RBFOX1: variants seen among roughly 807,000 people sequenced by gnomAD.
RBFOX1 encodes RNA binding protein fox-1 homolog 1.
A neutral mutation model predicts 57.7 loss-of-function variants in RBFOX1; 8 were observed. That is an observed-to-expected ratio of 0.14 (90% CI 0.08 to 0.25). The LOEUF (loss-of-function observed/expected upper bound fraction) is 0.25. Among genes scored for constraint, RBFOX1 ranks in the 10% least tolerant of loss-of-function variants. RBFOX1 has a pLI of 1.00. For synonymous variants in RBFOX1, 326 were observed against 222.4 expected (o/e 1.47, Z -4.15); for missense variants, 611 against 548.5 (o/e 1.11, Z -1.14).
chr16:5,626,096 T>C (rs1418047634), intron 3 of RBFOX1, among the ~76,000 whole-genome samples: 1 of 152,140 alleles, frequency 6.6e-6, no homozygotes, highest in South Asian at 2.1e-4. Flanking sequence ...GTCAGGCTGG[T>C]CTCGAGCTCC....
At position 5,436,383 on chromosome 16, in the gene RBFOX1, G is replaced by A. The variant is rs147606157; in HGVS notation, c.220-30833G>A. The stretch of plus-strand genomic sequence containing the variant: ...AGGGTGAGAAAACCACCATCACTCT[G>A]CATGGCTGAGTGATTTACACTCATA... On this transcript the variant is annotated intron_variant, in intron 1 of 2. Coordinates refer to the RBFOX1 transcript ENST00000585867. 6.1e-3 allele frequency among the ~76,000 whole-genome samples: 922 copies of A among 152,314 alleles called. 12 individuals carry two copies. The highest frequency in any genetic ancestry group is 0.021 in the African/African-American group (854 of 41,568).
At chr16:5,509,305 CAG>C (rs1181083376) in intron 2 of RBFOX1, among the ~76,000 whole-genome samples, 1 of 152,190 alleles carries the variant, frequency 6.6e-6, no homozygotes, top group African/African-American at 2.4e-5. Flanking sequence ...AAATCACAGA[CAG>C]GGGATGTCCC....
intron 4 of RBFOX1, among the ~76,000 whole-genome samples, chr16:7,207,900 A>T (rs1451577128): frequency 6.6e-6 from 1 of 152,190 alleles, no homozygotes; most frequent in African/African-American, 2.4e-5. Flanking sequence ...GTGAGAGTTG[A>T]ACTCCACAGG....
chr16:7,265,970 T>A (rs796924575), intron 4 of RBFOX1, among the ~76,000 whole-genome samples: 15 of 134,310 alleles, frequency 1.1e-4, no homozygotes, highest in Admixed American at 9.5e-4. Flanking sequence ...TTTTGTTTTT[T>A]TTTTTTTTTT....
At chr16:6,694,048 G>A (rs1238759875) in intron 3 of RBFOX1, among the ~76,000 whole-genome samples, 1 of 152,216 alleles carries the variant, frequency 6.6e-6, no homozygotes, top group Non-Finnish European at 1.5e-5. Flanking sequence ...TTTGTCATAT[G>A]TCACTACTCA....
chr16:6,645,862 A>T (rs2098530063), intron 2 of RBFOX1, among the ~76,000 whole-genome samples: 1 of 152,076 alleles, frequency 6.6e-6, no homozygotes, highest in South Asian at 2.1e-4. Context: ...ACAAATAGGG[A>T]AAGTGAGGCT....
intron 2 of RBFOX1, among the ~76,000 whole-genome samples, chr16:6,377,942 C>G (rs914382110): frequency 7.2e-5 from 11 of 152,174 alleles, no homozygotes; most frequent in African/African-American, 2.4e-4. Context: ...GATTCCTGAT[C>G]CCAGGCATGT....
At chr16:7,059,353 C>T (rs1037991378) in intron 4 of RBFOX1, among the ~76,000 whole-genome samples, 3 of 152,118 alleles carry the variant, frequency 2.0e-5, no homozygotes, top group Admixed American at 1.3e-4. Context: ...TAGGATGGTT[C>T]GTTGTAGAAA....
chr16:7,640,794 T>C (rs2062651357), intron 11 of RBFOX1, among the ~76,000 whole-genome samples: 1 of 151,982 alleles, frequency 6.6e-6, no homozygotes, highest in African/African-American at 2.4e-5. Context: ...TCCGGCCTCA[T>C]CAGAGTCAAG....
chr16:5,433,916 T>G (rs1406675066), intron 1 of RBFOX1, among the ~76,000 whole-genome samples: 2 of 152,160 alleles, frequency 1.3e-5, no homozygotes, highest in Non-Finnish European at 2.9e-5. Flanking sequence ...ACCCTGTGCT[T>G]CCACTGTGCA....
At chr16:6,316,597 T>C (rs2081149322) in intron 1 of RBFOX1, among the ~76,000 whole-genome samples, 1 of 152,204 alleles carries the variant, frequency 6.6e-6, no homozygotes, top group Admixed American at 6.5e-5. Flanking sequence ...ACCTCCAGTC[T>C]TACCTTGAAC....
intron 2 of RBFOX1, among the ~76,000 whole-genome samples, chr16:6,469,604 T>A (rs2095129139): frequency 6.6e-6 from 1 of 152,224 alleles, no homozygotes; most frequent in Admixed American, 6.5e-5. Context: ...ATCTCCTGTG[T>A]TAGGCTTGCT....
At chr16:6,388,298 T>A (rs2092410818) in intron 2 of RBFOX1, among the ~76,000 whole-genome samples, 1 of 151,922 alleles carries the variant, frequency 6.6e-6, no homozygotes, top group South Asian at 2.1e-4. Context: ...GTGTTTGAAC[T>A]TGGGGGACGT....
At chr16:6,810,077 G>A (rs1603627592) in intron 3 of RBFOX1, among the ~76,000 whole-genome samples, 1 of 151,198 alleles carries the variant, frequency 6.6e-6, no homozygotes, top group South Asian at 2.1e-4. Context: ...GTCTGATGGG[G>A]TCTCAGGAAG....
rs139311259 is a variant in RBFOX1 at position 6,069,685 on chromosome 16, T to C, written c.-127+49693T>C. ...GAAGTGGTTATAATCTTACATTAAG[T>C]AACTAAGTAGAAGAAAATTGGCTGG... On this transcript the variant is annotated intron_variant, in intron 1 of 15. Transcript: ENST00000550418. Among the ~76,000 whole-genome samples, 8 of 152,210 alleles carry C rather than the reference T, an allele frequency of 5.3e-5. No homozygotes were observed. In the South Asian group the frequency reaches 1.7e-3, roughly 32 times the overall value.
chr16:7,638,868 C>A (rs1430783857), intron 11 of RBFOX1, among the ~76,000 whole-genome samples: 1 of 152,048 alleles, frequency 6.6e-6, no homozygotes, highest in African/African-American at 2.4e-5. Context: ...GTAATTCTTA[C>A]TTAAAAGGAC....
At chr16:5,611,793 T>TCCACCCAC (rs1277787360) in intron 3 of RBFOX1, among the ~76,000 whole-genome samples, 1 of 35,244 alleles carries the variant, frequency 2.8e-5, no homozygotes, top group South Asian at 1.0e-3. Context: ...CATCCATCCA[T>TCCACCCAC]CCACCCACCC....
chr16:7,027,591 T>C (rs8062147), intron 3 of RBFOX1, among the ~76,000 whole-genome samples: 69,358 of 151,778 alleles, frequency 0.46, 18,113 homozygotes, highest in South Asian at 0.62. Context: ...TACTTAGAAA[T>C]ACCCAGCCAG....
chr16:5,653,912 A>G (rs1450976653), intron 3 of RBFOX1, among the ~76,000 whole-genome samples: 1 of 152,166 alleles, frequency 6.6e-6, no homozygotes, highest in Non-Finnish European at 1.5e-5. Flanking sequence ...GAGAGGATAA[A>G]GTCAGTGTCT....
Sources: gnomAD v4.1 joint callset for allele counts (sites outside exome capture counted in the v4.1 genomes callset) on GRCh38, gnomAD v4.1.1 for gene constraint, MANE v1.5 for transcripts, NCBI Gene and HGNC (gene_info 2026-07-23, HGNC 2026-07-21) for gene names.